AURKC: variants seen among roughly 807,000 people sequenced by gnomAD.
AURKC encodes the protein ARK-3.
Under a neutral mutation model 29.2 loss-of-function variants are expected in AURKC, and 15 were observed. The ratio of observed to expected loss-of-function variants is 0.51; its 90% CI spans 0.34 to 0.79. The LOEUF (loss-of-function observed/expected upper bound fraction) is 0.79. Among genes scored for constraint, AURKC ranks in the 30% least tolerant of loss-of-function variants. AURKC has a pLI of 0.01. For synonymous variants in AURKC, 150 were observed against 149.9 expected (o/e 1.00, Z -0.01); for missense variants, 332 against 383.2 (o/e 0.87, Z 1.12).
In AURKC at chr19:57,232,427, G is replaced by A. The variant is rs1287013286; in HGVS notation, c.297-115G>A. On this transcript the variant is annotated intron_variant, in intron 3 of 6. Coordinates refer to ENST00000302804, the MANE Select transcript of AURKC (RefSeq NM_001015878.2). The surrounding 1 kb of genome is among the most constrained non-coding windows in gnomAD (Gnocchi z 4.5). ...CTCCCCTCACTTGCTCCCAGATAGG[G>A]CTGTTGTTATTCTGGTCCCAGCATA... 2.0e-6 allele frequency: 3 copies of A among 1,532,436 alleles called. No individual in the cohort carries two copies. The highest frequency in any genetic ancestry group is 2.7e-6 in the Non-Finnish European group (3 of 1,113,450). The allele number at this position is 1,532,436 out of a possible 1,614,324, so 94.9% of individuals were successfully genotyped here. A position where few individuals can be genotyped will look rare whatever the true frequency, so the allele number is the denominator to read the frequency against.
At chr19:57,233,085 T>C (rs562147002) in intron 4 of AURKC, among the ~76,000 whole-genome samples, 6 of 152,272 alleles carry the variant, frequency 3.9e-5, no homozygotes, top group African/African-American at 1.4e-4. Context: ...CCAGGAGCAA[T>C]GGTCCAATCA....
chr19:57,232,735 G>T lies in AURKC; in HGVS notation c.435+55G>T. The T allele has an allele frequency of 6.2e-7, 1 of 1,610,966 alleles. No homozygotes were observed. Among genetic ancestry groups the T allele is most frequent in the African/African-American group, 1.3e-5 (1 of 74,950 alleles). ...CTCTGAGTTTACTGTGGGCTGGTGG[G>T]AGCTCTGTTTGTGGCTGTCAGGAGG... On this transcript the variant is annotated intron_variant, in intron 4 of 6. Coordinates refer to ENST00000302804, the MANE Select transcript of AURKC (RefSeq NM_001015878.2). The surrounding 1 kb of genome is among the most constrained non-coding windows in gnomAD (Gnocchi z 4.5).
rs759518777 is a variant in AURKC, at chr19:57,233,416, G to T, written c.436-44G>T. 1.2e-5 allele frequency: 19 copies of T among 1,613,848 alleles called. No homozygotes were observed. In the African/African-American group the frequency reaches 1.5e-4, roughly 12 times the overall value. On this transcript the variant is annotated intron_variant, in intron 4 of 6. Transcript: ENST00000302804. ...AAGTGTTCCACCTCAGACGGAAATTGTGGCAGGCTTCACTTCCAGGGTGAC... is the reference window on the plus strand; with the variant it reads ...AAGTGTTCCACCTCAGACGGAAATTTTGGCAGGCTTCACTTCCAGGGTGAC...
rs1351815635 is a variant in AURKC, at chr19:57,235,301, A to C, written c.814A>C (p.Arg272=). ...MPLGARDLIS[R]LLRYQPLERL... is the part of the protein sequence containing the mutation. ...TCTGGGGGCCCGGGACTTGATTTCC[A>C]GGCTTCTCAGATACCAGCCCTTGGA... Residue 272 remains arginine, a synonymous_variant, in exon 7 of 7, where the codon AGG becomes CGG. Transcript: ENST00000302804. 1.9e-6 allele frequency: 3 copies of C among 1,613,982 alleles called. No individual in the cohort carries two copies. Among genetic ancestry groups the C allele is most frequent in the African/African-American group, 2.7e-5 (2 of 74,884 alleles).
In AURKC at chr19:57,232,299, T is replaced by G; in HGVS notation, c.296+75T>G. 3 of 1,562,798 alleles carry G rather than the reference T, an allele frequency of 1.9e-6. No homozygotes were observed. Among genetic ancestry groups the G allele is most frequent in the Non-Finnish European group, 2.6e-6 (3 of 1,147,488 alleles). On this transcript the variant is annotated intron_variant, in intron 3 of 6. Coordinates refer to ENST00000302804, the MANE Select transcript of AURKC (RefSeq NM_001015878.2). This position sits in a 1 kb window ranked among gnomAD's most constrained non-coding sequence, Gnocchi z 4.5. ...ATTTTCCCCAAATACTAACCCCAAG[T>G]AAACCCTGCACTTGTACCTTGAAGA...
chr19:57,234,746 C>A, intron 5 of AURKC, 138 bp from the exon 6 acceptor site: 4 of 929,904 alleles, frequency 4.3e-6, no homozygotes, highest in Non-Finnish European at 4.9e-6. Flanking sequence ...AAAAATTTGT[C>A]TCTCCAAACT....
intron 4 of AURKC, 70 bp from the exon 5 acceptor site, chr19:57,233,390 T>G: frequency 1.9e-6 from 3 of 1,604,636 alleles, no homozygotes; most frequent in Non-Finnish European, 1.7e-6. Context: ...CAATTCATGG[T>G]AAGTGTTCCA....
Position 57,231,060 on chromosome 19 carries a change from CCA to C in AURKC, c.-187_-186del. ...CCGGGTATAAAAGAAGGCCGCGCAG[CCA>C]CGGCTGCTCACGACGCCGCGGATCC... On this transcript the variant is annotated 5_prime_UTR_variant, in exon 1 of 7. Transcript: ENST00000302804. 1 of 1,384,592 alleles carries C rather than the reference CCA, an allele frequency of 7.2e-7. No individual in the cohort carries two copies. Among genetic ancestry groups the C allele is most frequent in the Non-Finnish European group, 1.0e-6 (1 of 993,292 alleles). The allele number at this position is 1,384,592 out of a possible 1,614,324, so 85.8% of individuals were successfully genotyped here. A position where few individuals can be genotyped will look rare whatever the true frequency, so the allele number is the denominator to read the frequency against.
rs374092036 is a variant in AURKC, at chr19:57,232,500, G to T, written c.297-42G>T. 2.2e-5 allele frequency: 35 copies of T among 1,613,684 alleles called. No homozygotes were observed. The African/African-American group carries it at 4.0e-4, about 18-fold the overall frequency. ...CAGTGACGGTGGCATCATATGATAG[G>T]CCTCAGGGAGAAATCTGACTCTTCC... On this transcript the variant is annotated intron_variant, in intron 3 of 6. Transcript: ENST00000302804. The surrounding 1 kb of genome is among the most constrained non-coding windows in gnomAD (Gnocchi z 4.5).
In AURKC at chr19:57,233,521, A is replaced by T. The variant is rs1220569605; in HGVS notation, c.497A>T (p.Asp166Val). The T allele has an allele frequency of 6.2e-7, 1 of 1,614,062 alleles. No individual in the cohort carries two copies. The highest frequency in any genetic ancestry group is 2.2e-5 in the East Asian group (1 of 44,888). The change falls in exon 5 of 7, where the codon GAT (aspartate) becomes GTT (valine). Residue 166 changes from aspartate to valine, a missense_variant. Transcript: ENST00000302804. The part of the protein sequence containing the change: ...YCHDKKVIHR[D>V]IKPENLLLGF... ...CATGACAAGAAAGTGATTCACAGAG[A>T]TATTAAGCCAGAGAACCTGCTGCTG...
At position 57,232,246 on chromosome 19, in the gene AURKC, T is replaced by A; in HGVS notation, c.296+22T>A. 2 of 1,612,658 alleles carry A rather than the reference T, an allele frequency of 1.2e-6. No individual in the cohort carries two copies. Among genetic ancestry groups the A allele is most frequent in the Non-Finnish European group, 1.7e-6 (2 of 1,179,868 alleles). ...TACAGTAAGGACAGTCTCTGCTTCC[T>A]CTTTCATCTTTGACGTCTGAGCCCA... On this transcript the variant is annotated intron_variant, in intron 3 of 6. Coordinates refer to ENST00000302804, the MANE Select transcript of AURKC (RefSeq NM_001015878.2). This position sits in a 1 kb window ranked among gnomAD's most constrained non-coding sequence, Gnocchi z 4.5.
intron 5 of AURKC, among the ~76,000 whole-genome samples, chr19:57,234,209 C>T (rs181647257): frequency 7.2e-5 from 11 of 151,986 alleles, no homozygotes; most frequent in African/African-American, 2.7e-4. Context: ...AGGCATGGGC[C>T]ATCACACCCG....
At chr19:57,231,410 C>T in intron 1 of AURKC, 104 bp downstream of exon 1, 1 of 1,272,332 alleles carries the variant, frequency 7.9e-7, no homozygotes, top group Non-Finnish European at 1.1e-6. Context: ...CCCTCTCCTC[C>T]TCCCCAACGC....
In AURKC at chr19:57,232,708, G is replaced by C. The variant is rs757432491; in HGVS notation, c.435+28G>C. On this transcript the variant is annotated intron_variant, in intron 4 of 6. Coordinates refer to ENST00000302804, the MANE Select transcript of AURKC (RefSeq NM_001015878.2). This position sits in a 1 kb window ranked among gnomAD's most constrained non-coding sequence, Gnocchi z 4.5. ...GAGGTGCGGGTCTGGAGGCTCTGGGGTCTCTGAGTTTACTGTGGGCTGGTG... is the reference window on the plus strand; with the variant it reads ...GAGGTGCGGGTCTGGAGGCTCTGGGCTCTCTGAGTTTACTGTGGGCTGGTG... The C allele has an allele frequency of 1.2e-6, 2 of 1,612,350 alleles. No individual in the cohort carries two copies. The highest frequency in any genetic ancestry group is 1.7e-6 in the Non-Finnish European group (2 of 1,180,018).
chr19:57,232,553 T>G lies in AURKC; in HGVS notation c.308T>G (p.Ile103Ser), dbSNP rs767588611. Residue 103 changes from isoleucine (I) to serine (S), a missense_variant, in exon 4 of 7, where the codon ATC (isoleucine) becomes AGC (serine). Transcript: ENST00000302804. The surrounding 1 kb of genome is among the most constrained non-coding windows in gnomAD (Gnocchi z 4.5). Reference sequence around the variant, plus strand: ...CATTAATCCTTCAGACACCCCAATATCCTGCGCCTGTATAACTATTTCCAT... The same window carrying G: ...CATTAATCCTTCAGACACCCCAATAGCCTGCGCCTGTATAACTATTTCCAT... Reference protein sequence around the residue: ...EIQAHLQHPNILRLYNYFHDA... With the variant: ...EIQAHLQHPNSLRLYNYFHDA... 1.2e-6 allele frequency: 2 copies of G among 1,614,138 alleles called. No homozygotes were observed. Among genetic ancestry groups the G allele is most frequent in the South Asian group, 2.2e-5 (2 of 91,074 alleles).
chr19:57,231,218 G>T lies in AURKC; in HGVS notation c.-31G>T. 1 of 1,551,696 alleles carries T rather than the reference G, an allele frequency of 6.4e-7. No individual in the cohort carries two copies. Among genetic ancestry groups the T allele is most frequent in the Non-Finnish European group, 8.7e-7 (1 of 1,147,006 alleles). On this transcript the variant is annotated 5_prime_UTR_variant, in exon 1 of 7. Transcript: ENST00000302804. ...GGGAACAGCCATCCAGAGGGTTCAG[G>T]AAGGCGTCCGCGCCCTCACCTCTTC... is the stretch of plus-strand genomic sequence containing the variant.
chr19:57,234,822 G>C, intron 5 of AURKC, 62 bp from the exon 6 acceptor site: 1 of 1,602,168 alleles, frequency 6.2e-7, no homozygotes, highest in Non-Finnish European at 8.5e-7. Flanking sequence ...AGCTGGGGAA[G>C]GAGAATTTCC....
intron 1 of AURKC, 122 bp from the exon 2 acceptor site, chr19:57,231,620 C>G (rs1599971014): frequency 1.9e-6 from 2 of 1,073,686 alleles, no homozygotes. Context: ...TCTCTCCTCC[C>G]CTTCTTCCCC....
Position 57,233,494 on chromosome 19 carries a change from G to T in AURKC, c.470G>T (p.Cys157Phe), listed in dbSNP as rs147955649. The T allele has an allele frequency of 1.7e-5, 27 of 1,614,054 alleles. No individual in the cohort carries two copies. Among genetic ancestry groups the T allele is most frequent in the Non-Finnish European group, 2.3e-5 (27 of 1,180,036 alleles). Residue 157 changes from cysteine to phenylalanine, a missense_variant, in exon 5 of 7, where the codon TGC becomes TTC. By Grantham distance (205) the Cys-to-Phe change is radical (BLOSUM62 -2). Coordinates refer to ENST00000302804, the MANE Select transcript of AURKC (RefSeq NM_001015878.2). ...GAGTTGGCAGATGCCCTGACCTACTGCCATGACAAGAAAGTGATTCACAGA... is the reference window on the plus strand; with the variant it reads ...GAGTTGGCAGATGCCCTGACCTACTTCCATGACAAGAAAGTGATTCACAGA... Reference protein sequence around the residue: ...IEELADALTYCHDKKVIHRDI... With the variant: ...IEELADALTYFHDKKVIHRDI...
Sources: gnomAD v4.1 joint callset for allele counts (sites outside exome capture counted in the v4.1 genomes callset) on GRCh38, gnomAD v4.1.1 for gene constraint, Gnocchi (gnomAD v3.1) non-coding constraint, MANE v1.5 for transcripts, NCBI Gene and HGNC (gene_info 2026-07-23, HGNC 2026-07-21) for gene names.